FAF1: variants seen among roughly 807,000 people sequenced by gnomAD.
The protein encoded by FAF1 is FAS-associated factor 1.
In FAF1, 25 loss-of-function variants were observed where a neutral mutation model predicts 92.5. The ratio of observed to expected loss-of-function variants is 0.27; its 90% CI spans 0.20 to 0.38. FAF1 has a LOEUF of 0.38. Among genes scored for constraint, FAF1 ranks in the 10% least tolerant of loss-of-function variants. The pLI is 1.00. For synonymous variants in FAF1, 234 were observed against 273.2 expected (o/e 0.86, Z 1.42); for missense variants, 636 against 793.3 (o/e 0.80, Z 2.38).
At chr1:50,747,738 T>C (rs1023225895) in intron 4 of FAF1, among the ~76,000 whole-genome samples, 1 of 152,164 alleles carries the variant, frequency 6.6e-6, no homozygotes, top group Non-Finnish European at 1.5e-5. Flanking sequence ...TCATGTTAAA[T>C]TATAATCCTG....
chr1:50,601,285 A>C (rs1652114661), intron 8 of FAF1, among the ~76,000 whole-genome samples: 1 of 152,240 alleles, frequency 6.6e-6, no homozygotes, highest in Non-Finnish European at 1.5e-5. Flanking sequence ...ATCTCTGGCT[A>C]TGTCTAACAA....
At chr1:50,497,364 T>C (rs1284326577) in intron 15 of FAF1, among the ~76,000 whole-genome samples, 1 of 151,562 alleles carries the variant, frequency 6.6e-6, no homozygotes, top group Admixed American at 6.6e-5. Flanking sequence ...TTCAAACATA[T>C]AAAACCTGAA....
chr1:50,557,423 G>T (rs1486074237), intron 13 of FAF1, among the ~76,000 whole-genome samples: 2 of 152,118 alleles, frequency 1.3e-5, no homozygotes, highest in African/African-American at 4.8e-5. Flanking sequence ...TATGCTTAAG[G>T]AAAGGACACC....
intron 8 of FAF1, among the ~76,000 whole-genome samples, chr1:50,601,321 A>C (rs898766403): frequency 1.3e-5 from 2 of 152,188 alleles, no homozygotes; most frequent in African/African-American, 4.8e-5. Context: ...CAGTATTATC[A>C]TGTTAAGCTT....
chr1:50,902,943 T>C (rs1220031740), intron 1 of FAF1, among the ~76,000 whole-genome samples: 3 of 152,178 alleles, frequency 2.0e-5, no homozygotes. Flanking sequence ...TTCAGTCAAA[T>C]CACAGCTATC....
At chr1:50,614,401 T>A (rs548957515) in intron 8 of FAF1, among the ~76,000 whole-genome samples, 16 of 152,112 alleles carry the variant, frequency 1.1e-4, no homozygotes, top group Admixed American at 7.2e-4. Context: ...TATTGAAATA[T>A]TAGAGTTAAG....
chr1:50,503,128 T>G (rs201264671), intron 15 of FAF1, among the ~76,000 whole-genome samples: 1 of 152,190 alleles, frequency 6.6e-6, no homozygotes, highest in East Asian at 1.9e-4. Flanking sequence ...TATGAGCCAC[T>G]GCACCTTGCT....
chr1:50,833,949 C>T (rs1644178017), intron 2 of FAF1, among the ~76,000 whole-genome samples: 1 of 152,222 alleles, frequency 6.6e-6, no homozygotes. Context: ...CTGCATTCAT[C>T]TGGTTTATCC....
intron 1 of FAF1, among the ~76,000 whole-genome samples, chr1:50,862,524 A>G (rs1644444850): frequency 6.6e-6 from 1 of 151,860 alleles, no homozygotes; most frequent in Non-Finnish European, 1.5e-5. Flanking sequence ...AGCACAATAG[A>G]GTAACTGCAC....
intron 7 of FAF1, among the ~76,000 whole-genome samples, chr1:50,691,717 A>G (rs1569775989): frequency 6.6e-6 from 1 of 152,106 alleles, no homozygotes; most frequent in Admixed American, 6.5e-5. Context: ...CAGCCTCCCA[A>G]GTAGCTGGCA....
intron 6 of FAF1, among the ~76,000 whole-genome samples, chr1:50,722,597 T>G (rs1306630483): frequency 7.0e-6 from 1 of 142,042 alleles, no homozygotes; most frequent in Non-Finnish European, 1.5e-5. Flanking sequence ...TGCAGTGAGC[T>G]GAGATCGCGC....
chr1:50,901,490 G>A (rs1019630535), intron 1 of FAF1, among the ~76,000 whole-genome samples: 1 of 151,862 alleles, frequency 6.6e-6, no homozygotes, highest in African/African-American at 2.4e-5. Flanking sequence ...GAGCCCAGGA[G>A]TTTGAGATCA....
At chr1:50,854,538 T>C (rs1644376280) in intron 2 of FAF1, among the ~76,000 whole-genome samples, 2 of 151,988 alleles carry the variant, frequency 1.3e-5, no homozygotes, top group African/African-American at 4.8e-5. Flanking sequence ...TATTAGTACA[T>C]GTAACTTTGT....
At chr1:50,842,548 C>T (rs1263787302) in intron 2 of FAF1, among the ~76,000 whole-genome samples, 3 of 152,058 alleles carry the variant, frequency 2.0e-5, no homozygotes, top group African/African-American at 7.2e-5. Flanking sequence ...AAACCAGACC[C>T]CTACCTCTGC....
chr1:50,576,017 T>C (rs1423038691), intron 12 of FAF1, among the ~76,000 whole-genome samples: 1 of 152,180 alleles, frequency 6.6e-6, no homozygotes, highest in Admixed American at 6.5e-5. Flanking sequence ...AACTACTAAT[T>C]TTTGTGGTAG....
At chr1:50,838,827 CAAT>C (rs1410632748) in intron 2 of FAF1, among the ~76,000 whole-genome samples, 6 of 152,008 alleles carry the variant, frequency 3.9e-5, no homozygotes, top group African/African-American at 1.2e-4. Context: ...AAAATTGTAA[CAAT>C]AAAAGTATCC....
chr1:50,647,554 G>T (rs911429206), intron 8 of FAF1, among the ~76,000 whole-genome samples: 1 of 152,088 alleles, frequency 6.6e-6, no homozygotes, highest in African/African-American at 2.4e-5. Flanking sequence ...TCTTTTAACA[G>T]AGTTGTTCCA....
chr1:50,902,877 T>G (rs1454313888), intron 1 of FAF1, among the ~76,000 whole-genome samples: 1 of 152,182 alleles, frequency 6.6e-6, no homozygotes, highest in African/African-American at 2.4e-5. Flanking sequence ...AATCTGGAAA[T>G]GCCGAACTCA....
intron 1 of FAF1, among the ~76,000 whole-genome samples, chr1:50,895,052 T>C (rs537150164): frequency 7.3e-5 from 11 of 151,688 alleles, no homozygotes; most frequent in African/African-American, 2.4e-4. Flanking sequence ...ATAAATGCAA[T>C]TGAAACAAAT....
Sources: allele counts gnomAD v4.1 joint callset (sites outside exome capture counted in the v4.1 genomes callset), GRCh38; gene constraint gnomAD v4.1.1; transcripts MANE v1.5; gene names NCBI Gene and HGNC (gene_info 2026-07-23, HGNC 2026-07-21).